KLRG1: variants seen among roughly 807,000 people sequenced by gnomAD.
KLRG1 encodes killer cell lectin like receptor G1, also known as killer cell lectin-like receptor subfamily G member 1.
A neutral mutation model predicts 21.8 loss-of-function variants in KLRG1; 16 were observed. The observed-to-expected ratio is 0.73, with a 90% confidence interval of 0.50 to 1.11. KLRG1 has a LOEUF of 1.11. Among genes scored for constraint, KLRG1 ranks in the 50% most tolerant of loss-of-function variants. The pLI, the probability that KLRG1 is intolerant of heterozygous loss-of-function variation, is 0.00. For synonymous variants in KLRG1, 69 were observed against 75.9 expected (o/e 0.91, Z 0.47); for missense variants, 173 against 218.3 (o/e 0.79, Z 1.31).
At chr12:9,009,390 C>T (rs9888309) in intron 4 of KLRG1, 36 bp from the exon 5 acceptor site, 73,941 of 1,609,580 alleles carry the variant, frequency 0.046, 2,182 homozygotes, top group African/African-American at 0.14. Flanking sequence ...TCTGTGCATG[C>T]GGCCTTAAGT....
At chr12:9,150,579 C>A in the KLRG1 span, 3 of 1,070,664 alleles carry the variant, frequency 2.8e-6, no homozygotes, top group South Asian at 2.7e-5. Context: ...AGAAGAGGAT[C>A]AACTGTCACA....
chr12:8,971,687 C>T (rs1184963895), intron 1 of KLRG1, among the ~76,000 whole-genome samples: 1 of 151,362 alleles, frequency 6.6e-6, no homozygotes, highest in Non-Finnish European at 1.5e-5. Context: ...GACGGGGTTT[C>T]ACCATGTTGG....
At chr12:8,974,253 C>G (rs906365164) in intron 1 of KLRG1, among the ~76,000 whole-genome samples, 1 of 151,716 alleles carries the variant, frequency 6.6e-6, no homozygotes, top group Non-Finnish European at 1.5e-5. Context: ...CTGCAAGCTC[C>G]GCCTCCCGGG....
intron 1 of KLRG1, among the ~76,000 whole-genome samples, chr12:8,974,180 T>TG (rs979685066): frequency 2.4e-4 from 37 of 151,682 alleles, no homozygotes; most frequent in African/African-American, 8.5e-4. Flanking sequence ...TTTTGTTTTT[T>TG]TTTTTGAGAT....
At chr12:9,163,565 GA>G in the KLRG1 span, 1 of 1,300,436 alleles carries the variant, frequency 7.7e-7, no homozygotes, top group Non-Finnish European at 1.1e-6. Context: ...AGTCTTACAG[GA>G]TGTATTGTGT....
the KLRG1 span, chr12:9,159,924 AT>A: frequency 6.3e-7 from 1 of 1,594,928 alleles, no homozygotes; most frequent in African/African-American, 1.3e-5. Context: ...CTCAGAATAG[AT>A]TTTCTTTCTT....
At chr12:9,149,510 G>A in the KLRG1 span, 2 of 1,530,104 alleles carry the variant, frequency 1.3e-6, no homozygotes, top group Non-Finnish European at 1.8e-6. Context: ...AGGGGCCCTT[G>A]GAGAGTGGGT....
the KLRG1 span, among the ~76,000 whole-genome samples, chr12:9,076,290 G>A: frequency 3.3e-3 from 500 of 152,282 alleles, 2 homozygotes; most frequent in African/African-American, 0.011. Context: ...AGTGTTTTAC[G>A]TGTACCAATT....
At chr12:8,962,151 G>T (rs747679269) in intron 1 of KLRG1, among the ~76,000 whole-genome samples, 2 of 152,130 alleles carry the variant, frequency 1.3e-5, no homozygotes, top group South Asian at 4.2e-4. Flanking sequence ...TTAATAGAAA[G>T]AGACCCAGAA....
the KLRG1 span, among the ~76,000 whole-genome samples, chr12:9,146,651 G>A: frequency 2.0e-5 from 3 of 152,292 alleles, no homozygotes; most frequent in African/African-American, 4.8e-5. Flanking sequence ...TATAGGAGAA[G>A]GTTCCTATCA....
the KLRG1 span, among the ~76,000 whole-genome samples, chr12:9,195,679 C>G: frequency 1.4e-5 from 2 of 142,046 alleles, no homozygotes; most frequent in African/African-American, 5.2e-5. Flanking sequence ...ATCTAGAACT[C>G]CTGGCCTCAG....
the KLRG1 span, among the ~76,000 whole-genome samples, chr12:9,056,564 G>C: frequency 1.0e-5 from 1 of 96,094 alleles, no homozygotes; most frequent in Non-Finnish European, 2.4e-5. Context: ...TTACTTGGGG[G>C]GTGTGTGTGT....
intron 1 of KLRG1, among the ~76,000 whole-genome samples, chr12:8,976,162 G>A (rs760685166): frequency 2.0e-5 from 3 of 151,962 alleles, no homozygotes; most frequent in Admixed American, 1.3e-4. Flanking sequence ...GGTATTTTGT[G>A]TTATCATTTT....
the KLRG1 span, among the ~76,000 whole-genome samples, chr12:9,204,624 C>G: frequency 6.6e-6 from 1 of 152,110 alleles, no homozygotes; most frequent in Non-Finnish European, 1.5e-5. Context: ...TTTACATGCA[C>G]AACTCCCTGC....
intron 1 of KLRG1, among the ~76,000 whole-genome samples, chr12:8,962,717 CAAA>C (rs34171622): frequency 5.3e-5 from 6 of 113,048 alleles, no homozygotes; most frequent in South Asian, 2.9e-4. Flanking sequence ...CCCTGTTTCC[CAAA>C]AAAAAAAAAA....
At chr12:9,008,575 A>G (rs1947544881) in intron 3 of KLRG1, among the ~76,000 whole-genome samples, 1 of 151,512 alleles carries the variant, frequency 6.6e-6, no homozygotes, top group Non-Finnish European at 1.5e-5. Context: ...GGAAAATCCA[A>G]CATCAAGGTT....
the KLRG1 span, among the ~76,000 whole-genome samples, chr12:9,120,242 C>T: frequency 6.6e-6 from 1 of 152,130 alleles, no homozygotes; most frequent in Admixed American, 6.5e-5. Flanking sequence ...ATTGGGTTAC[C>T]TGAGTAGCAA....
At chr12:9,028,721 C>A in the KLRG1 span, 1 of 505,084 alleles carries the variant, frequency 2.0e-6, no homozygotes, top group Non-Finnish European at 3.8e-6. Context: ...GGATTACAGG[C>A]CTGAGCCACC....
At chr12:9,068,072 A>T in the KLRG1 span, 1 of 1,259,114 alleles carries the variant, frequency 7.9e-7, no homozygotes, top group Non-Finnish European at 1.1e-6. Flanking sequence ...GTGCAGTGTG[A>T]GTAATTTGAT....
Sources: gnomAD v4.1 joint callset for allele counts (sites outside exome capture counted in the v4.1 genomes callset) on GRCh38, gnomAD v4.1.1 for gene constraint, MANE v1.5 for transcripts, NCBI Gene and HGNC (gene_info 2026-07-23, HGNC 2026-07-21) for gene names.